LYN: variants seen among roughly 807,000 people sequenced by gnomAD.
The protein encoded by LYN is tyrosine-protein kinase Lyn.
LYN carries 12 observed loss-of-function variants against 65.0 expected under a neutral mutation model. The observed-to-expected ratio is 0.18, with a 90% CI of 0.12 to 0.30. LYN has a LOEUF of 0.30. LYN is among the 10% of genes least tolerant of loss of function. The pLI is 1.00. For missense variants in LYN, 380 were observed against 623.2 expected, an observed-to-expected ratio of 0.61 and a Z score of 4.16; for synonymous variants, 222 against 221.2, an observed-to-expected ratio of 1.00 and a Z score of -0.03.
chr8:56,003,055 G>GTTTTTTT (rs1158928613), intron 12 of LYN, among the ~76,000 whole-genome samples: 10 of 147,386 alleles, frequency 6.8e-5, no homozygotes, highest in African/African-American at 2.5e-4. Flanking sequence ...CTATGTTTTT[G>GTTTTTTT]TTTTTTGTTT....
At chr8:55,984,944 G>A (rs1203202917) in intron 10 of LYN, among the ~76,000 whole-genome samples, 1 of 152,164 alleles carries the variant, frequency 6.6e-6, no homozygotes, top group Non-Finnish European at 1.5e-5. Flanking sequence ...ATTCACCTTG[G>A]ATTCTTGTTT....
rs1378319590 is a variant in LYN, at chr8:56,010,225, A to G, written c.*115A>G. On this transcript the variant is annotated 3_prime_UTR_variant, in exon 13 of 13. Coordinates refer to ENST00000519728, the MANE Select transcript of LYN (RefSeq NM_002350.4). ...TGCGGGGATCATCTGCCGTGCCTGG[A>G]TCCTGAAATAGAGGCTAAATTACTC... 9.6e-7 allele frequency: 1 copy of G among 1,044,552 alleles called. No individual in the cohort carries two copies. The highest frequency in any genetic ancestry group is 1.6e-5 in the African/African-American group (1 of 63,174). The allele number at this position is 1,044,552 out of a possible 1,614,324, so 64.7% of individuals were successfully genotyped here.
At chr8:55,991,524 G>T (rs1160243088) in intron 10 of LYN, among the ~76,000 whole-genome samples, 1 of 152,204 alleles carries the variant, frequency 6.6e-6, no homozygotes, top group East Asian at 1.9e-4. Flanking sequence ...AACTCAGGAA[G>T]CATTATTATT....
rs190398943 is a variant in LYN at position 55,953,463 on chromosome 8, G to A, written c.638-369G>A. Among the ~76,000 whole-genome samples the A allele has an allele frequency of 1.2e-4, 19 of 152,130 alleles. No individual in the cohort carries two copies. In the East Asian group the frequency reaches 3.5e-3, roughly 28 times the overall value. On this transcript the variant is annotated intron_variant, in intron 7 of 12. Transcript: ENST00000519728. ...GGAGTTTGTGACCAGCCTGGCCAAC[G>A]TAGTAAAATTCTGTCTCTACTAAAA... is the stretch of plus-strand genomic sequence containing the variant.
At position 55,911,276 on chromosome 8, in the gene LYN, TA is replaced by T. The variant is rs1563506762; in HGVS notation, c.-5-30578del. Among the ~76,000 whole-genome samples, 9 of 51,638 alleles carry T rather than the reference TA, an allele frequency of 1.7e-4. 1 individual carries two copies. Among genetic ancestry groups the T allele is most frequent in the African/African-American group, 3.3e-4 (5 of 15,122 alleles). The allele number at this position is 51,638 out of a possible 152,430, so 33.9% of individuals were successfully genotyped here. On this transcript the variant is annotated intron_variant, in intron 1 of 12. Transcript: ENST00000519728. ...GTGTGTGTATATATATATATATATA[TA>T]TATATATATTTTTTTTTTTTTTTTA...
chr8:55,881,149 C>G (rs1289944618), intron 1 of LYN, among the ~76,000 whole-genome samples: 2 of 152,198 alleles, frequency 1.3e-5, no homozygotes, highest in Non-Finnish European at 2.9e-5. Context: ...AACGATGTTA[C>G]TGTTATTTAT....
chr8:55,944,859 C>G (rs1331042629), intron 2 of LYN, among the ~76,000 whole-genome samples: 1 of 152,170 alleles, frequency 6.6e-6, no homozygotes, highest in East Asian at 1.9e-4. Context: ...AACCCACACA[C>G]CGCTTTTTCC....
chr8:55,952,252 G>A (rs1426651931), intron 7 of LYN, 137 bp downstream of exon 7: 1 of 694,996 alleles, frequency 1.4e-6, no homozygotes, highest in Non-Finnish European at 2.2e-6. Flanking sequence ...TATTCTATAA[G>A]TGGTTCTAAA....
chr8:55,958,717 G>A (rs565233554), intron 8 of LYN, among the ~76,000 whole-genome samples: 2 of 152,314 alleles, frequency 1.3e-5, no homozygotes, highest in African/African-American at 4.8e-5. Context: ...TACAGTATTT[G>A]TCTTTTTGTC....
At chr8:55,886,035 T>A (rs1179421559) in intron 1 of LYN, among the ~76,000 whole-genome samples, 1 of 152,198 alleles carries the variant, frequency 6.6e-6, no homozygotes, top group Non-Finnish European at 1.5e-5. Flanking sequence ...TGGCCATGCC[T>A]GACTTTTTCA....
intron 12 of LYN, among the ~76,000 whole-genome samples, chr8:56,008,211 C>T (rs1242057099): frequency 6.6e-6 from 1 of 152,062 alleles, no homozygotes; most frequent in South Asian, 2.1e-4. Flanking sequence ...ATCCCAAATG[C>T]GGATAGTGCC....
chr8:55,941,229 T>C (rs1806601945), intron 1 of LYN, among the ~76,000 whole-genome samples: 1 of 152,030 alleles, frequency 6.6e-6, no homozygotes, highest in Admixed American at 6.6e-5. Context: ...GTCTTCAGGG[T>C]AAAAAATCAA....
chr8:55,887,569 T>TAC (rs1332943032), intron 1 of LYN, among the ~76,000 whole-genome samples: 4 of 40,426 alleles, frequency 9.9e-5, no homozygotes, highest in African/African-American at 4.2e-4. Context: ...TATATATATA[T>TAC]ATATATACAC....
chr8:55,912,827 T>C (rs1805678259), intron 1 of LYN, among the ~76,000 whole-genome samples: 2 of 152,088 alleles, frequency 1.3e-5, no homozygotes, highest in Admixed American at 1.3e-4. Flanking sequence ...ATTTCCTGAT[T>C]AAAAATATGT....
chr8:55,918,454 G>A (rs565718412), intron 1 of LYN, among the ~76,000 whole-genome samples: 2 of 152,230 alleles, frequency 1.3e-5, no homozygotes, highest in Non-Finnish European at 2.9e-5. Flanking sequence ...AAGCTCTAAT[G>A]TGCAGCCAGG....
Position 56,009,996 on chromosome 8 carries a change from T to C in LYN, c.1425T>C (p.Ile475=), listed in dbSNP as rs969767117. The C allele has an allele frequency of 6.2e-6, 10 of 1,614,026 alleles. No homozygotes were observed. The highest frequency in any genetic ancestry group is 1.3e-5 in the African/African-American group (1 of 74,996). The part of the protein sequence containing the change: ...VENCPDELYD[I]MKMCWKEKAE... Reference sequence around the variant, plus strand: ...ACTGCCCAGATGAGCTCTATGACATTATGAAAATGTGCTGGAAAGAAAAGG... The same window carrying C: ...ACTGCCCAGATGAGCTCTATGACATCATGAAAATGTGCTGGAAAGAAAAGG... The change falls in exon 13 of 13, where the codon ATT becomes ATC. Residue 475 remains isoleucine (I), a synonymous_variant. Coordinates refer to ENST00000519728, the MANE Select transcript of LYN (RefSeq NM_002350.4).
In LYN at chr8:56,006,174, T is replaced by A. The variant is rs141645695; in HGVS notation, c.1337-3734T>A. ...AGCAAAAGGTTTGAAAGTGAAAAAATTTTCTGAAGCATCATGACTTTTCTG... is the reference window on the plus strand; with the variant it reads ...AGCAAAAGGTTTGAAAGTGAAAAAAATTTCTGAAGCATCATGACTTTTCTG... On this transcript the variant is annotated intron_variant, in intron 12 of 12. Coordinates refer to ENST00000519728, the MANE Select transcript of LYN (RefSeq NM_002350.4). 2.7e-3 allele frequency among the ~76,000 whole-genome samples: 413 copies of A among 152,110 alleles called. 2 individuals are homozygous for A. Among genetic ancestry groups the A allele is most frequent in the African/African-American group, 9.7e-3 (402 of 41,490 alleles).
intron 10 of LYN, among the ~76,000 whole-genome samples, chr8:55,990,239 CAAAAAAAAAAA>C (rs34461698): frequency 2.2e-5 from 1 of 45,410 alleles, no homozygotes; most frequent in Non-Finnish European, 4.0e-5. Flanking sequence ...ACTCTGCCTC[CAAAAAAAAAAA>C]AAAAAAAAAA....
At chr8:55,984,317 C>T (rs1808013888) in intron 10 of LYN, among the ~76,000 whole-genome samples, 2 of 152,210 alleles carry the variant, frequency 1.3e-5, no homozygotes, top group Admixed American at 1.3e-4. Context: ...GCCCAAACTG[C>T]TCCCGTGAGC....
Sources: allele counts gnomAD v4.1 joint callset (sites outside exome capture counted in the v4.1 genomes callset), GRCh38; gene constraint gnomAD v4.1.1; transcripts MANE v1.5; gene names NCBI Gene and HGNC (gene_info 2026-07-23, HGNC 2026-07-21).